The following STK10 variants were observed in gnomAD, a reference collection of about 807,000 sequenced individuals.
STK10 encodes the protein serine/threonine-protein kinase 10.
Under a neutral mutation model 113.8 loss-of-function variants are expected in STK10, and 78 were observed. That is an observed-to-expected ratio of 0.69 (90% confidence interval 0.57 to 0.83). The LOEUF (loss-of-function observed/expected upper bound fraction) is 0.83. STK10 is among the 40% of genes least tolerant of loss of function. STK10 has a pLI of 0.00. For synonymous variants in STK10, 465 were observed against 494.7 expected (o/e 0.94, Z 0.80); for missense variants, 1,109 against 1,280.1 (o/e 0.87, Z 2.04).
chr5:172,170,161 A>G (rs970638271), intron 1 of STK10, among the ~76,000 whole-genome samples: 1 of 150,790 alleles, frequency 6.6e-6, no homozygotes, highest in Non-Finnish European at 1.5e-5. Context: ...TTAAATGACT[A>G]AGGAATGAAT....
chr5:172,088,341 C>T (rs563690899), intron 10 of STK10, among the ~76,000 whole-genome samples: 4 of 152,046 alleles, frequency 2.6e-5, no homozygotes, highest in African/African-American at 4.8e-5. Flanking sequence ...CTGGCCAATA[C>T]GGTGAAACCC....
At chr5:172,045,238 G>A (rs1276636855) in intron 18 of STK10, among the ~76,000 whole-genome samples, 1 of 152,022 alleles carries the variant, frequency 6.6e-6, no homozygotes, top group Non-Finnish European at 1.5e-5. Flanking sequence ...AGCTCCCTGT[G>A]GACTGAAGGG....
chr5:172,052,591 TA>T (rs1767650499), intron 18 of STK10, among the ~76,000 whole-genome samples: 1 of 152,236 alleles, frequency 6.6e-6, no homozygotes, highest in Non-Finnish European at 1.5e-5. Context: ...CTCCTCAGAA[TA>T]ACTTCCTCTA....
At chr5:172,147,396 CTT>C (rs34461452) in intron 2 of STK10, among the ~76,000 whole-genome samples, 8 of 145,188 alleles carry the variant, frequency 5.5e-5, no homozygotes, top group Admixed American at 6.9e-5. Context: ...TTCTTTCTTT[CTT>C]TTTTTTTTTT....
At chr5:172,066,680 T>C (rs57009664) in intron 12 of STK10, among the ~76,000 whole-genome samples, 62,063 of 152,060 alleles carry the variant, frequency 0.41, 13,607 homozygotes, top group African/African-American at 0.56. Flanking sequence ...CCCAGCTCCT[T>C]GGGAAGGAGG....
chr5:172,179,337 C>A lies in STK10; in HGVS notation c.156+8550G>T, dbSNP rs548053662. ...ATCCTACTGAGCCCCAAATCTCTTC[C>A]CTTCACCACCACCCTGTTCCACTAC... On this transcript the variant is annotated intron_variant, in intron 1 of 18. Transcript: ENST00000176763. 2.0e-5 allele frequency among the ~76,000 whole-genome samples: 3 copies of A among 152,274 alleles called. No individual in the cohort carries two copies. The East Asian group carries it at 5.8e-4, about 29-fold the overall frequency.
rs1768144919 is a variant in STK10 at position 172,070,190 on chromosome 5, G to A, written c.1990-5378C>T. Among the ~76,000 whole-genome samples, 3 of 152,014 alleles carry A rather than the reference G, an allele frequency of 2.0e-5. 1 individual carries two copies. The South Asian group carries it at 6.2e-4, about 31-fold the overall frequency. ...TTGAACCCGGGAGGCAGAGGTTGCA[G>A]TGAGCCGAGATCATGCCATTGCACT... On this transcript the variant is annotated intron_variant, in intron 12 of 18. Coordinates refer to ENST00000176763, the MANE Select transcript of STK10 (RefSeq NM_005990.4).
rs527330551 is a variant in STK10, at chr5:172,177,823, T to TTTTTG, written c.156+10059_156+10063dup. On this transcript the variant is annotated intron_variant, in intron 1 of 18. Transcript: ENST00000176763. The stretch of plus-strand genomic sequence containing the variant: ...GAGACAGAAGGGACCAACTTACCTG[T>TTTTTG]TTTTGTTTTGTTTTGTTTTGTTGAG... Among the ~76,000 whole-genome samples the TTTTTG allele has an allele frequency of 4.0e-3, 610 of 152,030 alleles. 2 individuals carry two copies. Among genetic ancestry groups the TTTTTG allele is most frequent in the African/African-American group, 0.01 (428 of 41,464 alleles).
chr5:172,054,814 G>A (rs1348748551), intron 16 of STK10, 120 bp from the exon 17 acceptor site: 2 of 1,386,216 alleles, frequency 1.4e-6, no homozygotes, highest in African/African-American at 1.4e-5. Context: ...CACAGCCCCA[G>A]TACCCAGCAC....
intron 4 of STK10, among the ~76,000 whole-genome samples, chr5:172,114,182 G>A (rs1769310986): frequency 6.6e-6 from 1 of 151,768 alleles, no homozygotes; most frequent in Non-Finnish European, 1.5e-5. Context: ...AAGACTTGGA[G>A]GGAAGCCCAC....
At position 172,188,214 on chromosome 5, in the gene STK10, G is replaced by A; in HGVS notation, c.-172C>T. The A allele has an allele frequency of 8.6e-7, 1 of 1,158,988 alleles. No homozygotes were observed. Among genetic ancestry groups the A allele is most frequent in the Non-Finnish European group, 1.1e-6 (1 of 877,732 alleles). The allele number at this position is 1,158,988 out of a possible 1,614,324, so 71.8% of individuals were successfully genotyped here. A position where few individuals can be genotyped will look rare whatever the true frequency, so the allele number is the denominator to read the frequency against. On this transcript the variant is annotated 5_prime_UTR_variant, in exon 1 of 19. Coordinates refer to ENST00000176763, the MANE Select transcript of STK10 (RefSeq NM_005990.4). The surrounding 1 kb of genome is among the most constrained non-coding windows in gnomAD (Gnocchi z 5.6). ...GGTCAAGTGTGCCCTGGGCAGCGCC[G>A]CGCCGGGAGCACCCGGAACCGCGCA...
intron 12 of STK10, among the ~76,000 whole-genome samples, chr5:172,068,066 C>A (rs561517285): frequency 1.3e-5 from 2 of 152,186 alleles, no homozygotes; most frequent in Non-Finnish European, 2.9e-5. Flanking sequence ...AAGGGCCGGG[C>A]GCGGTGGCTC....
At position 172,157,344 on chromosome 5, in the gene STK10, G is replaced by T. The variant is rs138740863; in HGVS notation, c.157-556C>A. Among the ~76,000 whole-genome samples, 358 of 152,186 alleles carry T rather than the reference G, an allele frequency of 2.4e-3. 3 individuals are homozygous for T. Among genetic ancestry groups the T allele is most frequent in the African/African-American group, 8.1e-3 (336 of 41,542 alleles). On this transcript the variant is annotated intron_variant, in intron 1 of 18. Coordinates refer to ENST00000176763, the MANE Select transcript of STK10 (RefSeq NM_005990.4). Reference sequence around the variant, plus strand: ...GAGGCCAAGGCAGGGAGATCACAAGGTCAGGAGTTCGAGACAAGCCTGGCC... The same window carrying T: ...GAGGCCAAGGCAGGGAGATCACAAGTTCAGGAGTTCGAGACAAGCCTGGCC...
intron 13 of STK10, 157 bp from the exon 14 acceptor site, chr5:172,061,425 G>T: frequency 1.0e-6 from 1 of 999,854 alleles, no homozygotes; most frequent in Non-Finnish European, 1.4e-6. Flanking sequence ...ACTTAGAGAC[G>T]CATCAACCAA....
At chr5:172,096,148 T>C (rs1768849750) in intron 8 of STK10, among the ~76,000 whole-genome samples, 1 of 152,202 alleles carries the variant, frequency 6.6e-6, no homozygotes, top group African/African-American at 2.4e-5. Context: ...ATGAATCAGT[T>C]ACCAACTTTT....
Position 172,184,688 on chromosome 5 carries a change from G to A in STK10, c.156+3199C>T, listed in dbSNP as rs1770920532. ...TGTTTTTGAGACAGAGTCTCCCTCT[G>A]TCCCCCAGACTCGAGTGCAGCGGCA... is the stretch of plus-strand genomic sequence containing the variant. On this transcript the variant is annotated intron_variant, in intron 1 of 18. Coordinates refer to ENST00000176763, the MANE Select transcript of STK10 (RefSeq NM_005990.4). Among the ~76,000 whole-genome samples the A allele has an allele frequency of 3.3e-5, 5 of 152,188 alleles. No homozygotes were observed. The South Asian group carries it at 1.0e-3, about 32-fold the overall frequency.
chr5:172,184,873 C>G (rs1009474196), intron 1 of STK10, among the ~76,000 whole-genome samples: 6 of 152,072 alleles, frequency 3.9e-5, no homozygotes, highest in Non-Finnish European at 7.4e-5. Flanking sequence ...GTTGCCCCAG[C>G]TGGTCTCAAA....
intron 15 of STK10, 195 bp downstream of exon 15, chr5:172,057,154 T>G (rs959166080): frequency 1.0e-5 from 7 of 669,666 alleles, no homozygotes; most frequent in African/African-American, 3.6e-5. Flanking sequence ...GTTTCCCCTA[T>G]TCCTAGCCCC....
chr5:172,182,304 G>C (rs1281345380), intron 1 of STK10, among the ~76,000 whole-genome samples: 1 of 88,316 alleles, frequency 1.1e-5, no homozygotes, highest in East Asian at 3.4e-4. Context: ...CTCTGTCTCA[G>C]AGGGAAAAAA....
Sources: gnomAD v4.1 joint callset for allele counts (sites outside exome capture counted in the v4.1 genomes callset) on GRCh38, gnomAD v4.1.1 for gene constraint, Gnocchi (gnomAD v3.1) non-coding constraint, MANE v1.5 for transcripts, NCBI Gene and HGNC (gene_info 2026-07-23, HGNC 2026-07-21) for gene names.